Variants in HIPK2 observed in about 807,000 individuals in gnomAD.
The protein encoded by HIPK2 is homeodomain-interacting protein kinase 2.
In HIPK2, 27 loss-of-function variants were observed where a neutral mutation model predicts 113.7. The ratio of observed to expected loss-of-function variants is 0.24; its 90% CI spans 0.17 to 0.33. The LOEUF (loss-of-function observed/expected upper bound fraction) is 0.33. Ranked by LOEUF, HIPK2 falls within the 10% of genes least tolerant of loss-of-function variation. HIPK2 has a pLI of 1.00. For missense variants in HIPK2, 1,257 were observed against 1,588.0 expected (o/e 0.79, Z 3.54); for synonymous variants, 631 against 642.2 (o/e 0.98, Z 0.26).
At chr7:139,702,183 G>A (rs1794728486) in intron 2 of HIPK2, among the ~76,000 whole-genome samples, 1 of 152,202 alleles carries the variant, frequency 6.6e-6, no homozygotes, top group Admixed American at 6.5e-5. Context: ...CTGATCGTAA[G>A]CTCAGTTCTG....
chr7:139,688,453 G>A (rs1794296561), intron 2 of HIPK2, among the ~76,000 whole-genome samples: 3 of 152,238 alleles, frequency 2.0e-5, no homozygotes, highest in Admixed American at 2.0e-4. Context: ...AGGTGTGGAA[G>A]AACGGGCTTC....
chr7:139,734,943 G>GTGAC (rs1277442300), intron 1 of HIPK2, among the ~76,000 whole-genome samples: 1 of 152,176 alleles, frequency 6.6e-6, no homozygotes, highest in Non-Finnish European at 1.5e-5. Flanking sequence ...CGTATGATTT[G>GTGAC]TGACTCCAAA....
chr7:139,622,018 A>T (rs1015993058), intron 6 of HIPK2, among the ~76,000 whole-genome samples: 3 of 152,164 alleles, frequency 2.0e-5, no homozygotes, highest in African/African-American at 7.2e-5. Flanking sequence ...AAATGTAATA[A>T]CTGAATGAGT....
intron 2 of HIPK2, among the ~76,000 whole-genome samples, chr7:139,659,295 C>T (rs902942324): frequency 1.3e-5 from 2 of 152,242 alleles, no homozygotes; most frequent in Non-Finnish European, 2.9e-5. Context: ...AAATTTTCTA[C>T]TCTAAAAGCA....
chr7:139,662,331 G>C (rs1211654142), intron 2 of HIPK2, among the ~76,000 whole-genome samples: 1 of 152,192 alleles, frequency 6.6e-6, no homozygotes, highest in African/African-American at 2.4e-5. Context: ...TAAAGGTAAG[G>C]ATTTGTCTGT....
chr7:139,630,987 T>C lies in HIPK2; in HGVS notation c.1347+178A>G, dbSNP rs1030567580. 16 of 358,918 alleles carry C rather than the reference T, an allele frequency of 4.5e-5. No individual in the cohort carries two copies. Among genetic ancestry groups the C allele is most frequent in the African/African-American group, 8.8e-5 (4 of 45,210 alleles). 22.2% of individuals were successfully genotyped at this position (358,918 alleles called of 1,614,324 possible). ...AAGGTTGGACTCTCACAGGCGGCGA[T>C]AGGCCAAGGGAAAGAGGGGCTTCTG... On this transcript the variant is annotated intron_variant, in intron 4 of 14. Transcript: ENST00000406875. This position sits in a 1 kb window ranked among gnomAD's most constrained non-coding sequence, Gnocchi z 4.0.
At chr7:139,727,175 G>A (rs1795605259) in intron 1 of HIPK2, among the ~76,000 whole-genome samples, 2 of 152,170 alleles carry the variant, frequency 1.3e-5, no homozygotes, top group African/African-American at 4.8e-5. Context: ...AGTAATCCTC[G>A]GGGGCAGAGA....
intron 12 of HIPK2, among the ~76,000 whole-genome samples, chr7:139,594,972 G>A (rs973577070): frequency 6.6e-6 from 1 of 152,140 alleles, no homozygotes; most frequent in Non-Finnish European, 1.5e-5. Flanking sequence ...GCAGAGGCAC[G>A]GACATGCTCT....
chr7:139,673,335 G>A (rs1401397486), intron 2 of HIPK2, among the ~76,000 whole-genome samples: 1 of 152,170 alleles, frequency 6.6e-6, no homozygotes, highest in Non-Finnish European at 1.5e-5. Flanking sequence ...GATGGTGGCG[G>A]AGCCGCATTC....
chr7:139,750,162 T>C (rs1293398867), intron 1 of HIPK2, among the ~76,000 whole-genome samples: 1 of 152,222 alleles, frequency 6.6e-6, no homozygotes, highest in African/African-American at 2.4e-5. Flanking sequence ...GGGTAAATGG[T>C]GGTGTCTTGG....
intron 2 of HIPK2, among the ~76,000 whole-genome samples, chr7:139,644,158 A>T (rs1801128971): frequency 1.3e-5 from 2 of 152,154 alleles, no homozygotes; most frequent in South Asian, 4.1e-4. Flanking sequence ...GCTCTTTTTA[A>T]ATGTTTTTAT....
At chr7:139,723,037 A>T (rs1241304231) in intron 1 of HIPK2, among the ~76,000 whole-genome samples, 1 of 151,730 alleles carries the variant, frequency 6.6e-6, no homozygotes, top group Non-Finnish European at 1.5e-5. Context: ...CTTCAAACCT[A>T]TGTAATTCTA....
At chr7:139,750,393 G>C (rs1796260083) in intron 1 of HIPK2, among the ~76,000 whole-genome samples, 2 of 152,150 alleles carry the variant, frequency 1.3e-5, no homozygotes, top group South Asian at 4.1e-4. Flanking sequence ...GTGGGCAATG[G>C]AATCTACCCT....
chr7:139,751,990 C>T (rs1038853427), intron 1 of HIPK2, among the ~76,000 whole-genome samples: 11 of 152,140 alleles, frequency 7.2e-5, no homozygotes, highest in Non-Finnish European at 1.5e-5. Flanking sequence ...GAAGGCAGGC[C>T]AACCAGAAAA....
intron 1 of HIPK2, among the ~76,000 whole-genome samples, chr7:139,727,836 C>T (rs578060647): frequency 1.3e-4 from 20 of 152,154 alleles, no homozygotes; most frequent in East Asian, 7.7e-4. Flanking sequence ...AAGACACAAA[C>T]GCTTTTTCAG....
At chr7:139,633,095 C>CAAAAAAAAAA (rs942820284) in intron 2 of HIPK2, among the ~76,000 whole-genome samples, 33 of 74,590 alleles carry the variant, frequency 4.4e-4, no homozygotes, top group African/African-American at 8.1e-4. Flanking sequence ...GACCCTGTCT[C>CAAAAAAAAAA]AAAAAAAAAA....
chr7:139,728,098 C>A (rs142718908), intron 1 of HIPK2, among the ~76,000 whole-genome samples: 1 of 152,006 alleles, frequency 6.6e-6, no homozygotes, highest in African/African-American at 2.4e-5. Flanking sequence ...CGCCATCATG[C>A]CTGCCTAATT....
chr7:139,677,830 CCAA>C lies in HIPK2; in HGVS notation c.1103+38099_1103+38101del, dbSNP rs1366500577. Among the ~76,000 whole-genome samples the C allele has an allele frequency of 5.3e-5, 8 of 152,268 alleles. No homozygotes were observed. In the East Asian group the frequency reaches 7.7e-4, roughly 15 times the overall value. On this transcript the variant is annotated intron_variant, in intron 2 of 14. Coordinates refer to ENST00000406875, the MANE Select transcript of HIPK2 (RefSeq NM_022740.5). ...ACAATGGTTGAACTAATTTACACTC[CCAA>C]CAACAGTGTGAAAGTGTTCCTATTT...
intron 11 of HIPK2, among the ~76,000 whole-genome samples, chr7:139,600,058 C>T (rs1799363599): frequency 6.6e-6 from 1 of 152,154 alleles, no homozygotes. Context: ...ATCTCCCTTA[C>T]CCCTGATGCT....
Sources: allele counts gnomAD v4.1 joint callset (sites outside exome capture counted in the v4.1 genomes callset), GRCh38; gene constraint gnomAD v4.1.1; non-coding constraint Gnocchi (gnomAD v3.1); transcripts MANE v1.5; gene names NCBI Gene and HGNC (gene_info 2026-07-23, HGNC 2026-07-21).